The following PAPPA2 variants were observed in gnomAD, a reference collection of about 807,000 sequenced individuals.
PAPPA2 encodes pappalysin 2, also known as pappalysin-2.
A neutral mutation model predicts 176.4 loss-of-function variants in PAPPA2; 86 were observed. That is an observed-to-expected ratio of 0.49 (90% CI 0.41 to 0.58). The LOEUF (loss-of-function observed/expected upper bound fraction) is 0.58, where lower values mean the gene tolerates loss of function less well. Ranked by LOEUF, PAPPA2 falls within the 20% of genes least tolerant of loss-of-function variation. The pLI is 0.00. For synonymous variants in PAPPA2, 809 were observed against 852.2 expected (o/e 0.95, Z 0.88); for missense variants, 2,073 against 2,256.9 (o/e 0.92, Z 1.65).
intron 1 of PAPPA2, among the ~76,000 whole-genome samples, chr1:176,471,306 A>G (rs1173742863): frequency 6.6e-6 from 1 of 151,884 alleles, no homozygotes; most frequent in African/African-American, 2.4e-5. Flanking sequence ...TTCATTCCCA[A>G]CTCTCATTTG....
intron 1 of PAPPA2, among the ~76,000 whole-genome samples, chr1:176,549,008 GTAAAAATTTTTAT>G (rs1214746451): frequency 2.6e-5 from 4 of 152,270 alleles, no homozygotes; most frequent in African/African-American, 9.6e-5. Flanking sequence ...CAGTGTGTAA[GTAAAAATTTTTAT>G]TATTGCTAAT....
intron 7 of PAPPA2, 102 bp downstream of exon 7, chr1:176,695,961 T>C (rs2102813958): frequency 7.6e-7 from 1 of 1,322,578 alleles, no homozygotes; most frequent in South Asian, 1.3e-5. Context: ...AGGCAATGTA[T>C]GTGTATGTGT....
chr1:176,654,976 C>A (rs375862577), intron 3 of PAPPA2, among the ~76,000 whole-genome samples: 7 of 151,862 alleles, frequency 4.6e-5, no homozygotes, highest in East Asian at 1.9e-4. Flanking sequence ...ATGGTGAAAT[C>A]TTCAGGGTTT....
At chr1:176,473,774 G>A (rs570646285) in intron 1 of PAPPA2, among the ~76,000 whole-genome samples, 1 of 152,258 alleles carries the variant, frequency 6.6e-6, no homozygotes, top group African/African-American at 2.4e-5. Context: ...TGTAATTCCT[G>A]AATGATATAT....
chr1:176,714,157 A>C (rs557483772), intron 12 of PAPPA2, among the ~76,000 whole-genome samples: 1 of 152,248 alleles, frequency 6.6e-6, no homozygotes, highest in Admixed American at 6.5e-5. Context: ...AAACTGAAAA[A>C]AAAATCCATG....
intron 3 of PAPPA2, among the ~76,000 whole-genome samples, chr1:176,608,152 A>C (rs1376234449): frequency 7.2e-5 from 11 of 152,196 alleles, no homozygotes. Flanking sequence ...TTACAATGGG[A>C]ATCTACAGTT....
At chr1:176,496,018 G>C (rs1334647999) in intron 1 of PAPPA2, among the ~76,000 whole-genome samples, 1 of 152,096 alleles carries the variant, frequency 6.6e-6, no homozygotes, top group Non-Finnish European at 1.5e-5. Flanking sequence ...TAATGTTTCT[G>C]TAGTCACTGT....
chr1:176,800,001 TTCTCACAC>T, intron 20 of PAPPA2, 52 bp from the exon 21 acceptor site: 1 of 1,578,298 alleles, frequency 6.3e-7, no homozygotes, highest in South Asian at 1.1e-5. Context: ...GATTTGCCCC[TTCTCACAC>T]ACAACAAATG....
rs1667587779 is a variant in PAPPA2, at chr1:176,844,312, TG to T, written c.*1860del. ...ACTCTTCCCATCAACACTAGAGCAA[TG>T]GCTGTGCAAATAGGAATAGGAAATA... is the stretch of plus-strand genomic sequence containing the variant. On this transcript the variant is annotated 3_prime_UTR_variant, in exon 23 of 23. Transcript: ENST00000367662. The T allele has an allele frequency of 6.6e-6, 1 of 152,142 alleles. No individual in the cohort carries two copies. The highest frequency in any genetic ancestry group is 2.4e-5 in the African/African-American group (1 of 41,442). 9.4% of individuals were successfully genotyped at this position (152,142 alleles called of 1,614,324 possible).
intron 3 of PAPPA2, among the ~76,000 whole-genome samples, chr1:176,642,393 G>A (rs1473222806): frequency 6.6e-6 from 1 of 151,766 alleles, no homozygotes; most frequent in African/African-American, 2.4e-5. Flanking sequence ...AAGAGGCTAG[G>A]TAGAAATAAT....
At position 176,791,472 on chromosome 1, in the gene PAPPA2, A is replaced by G. The variant is rs1361373313; in HGVS notation, c.5010A>G (p.Gly1670=). 6.2e-7 allele frequency: 1 copy of G among 1,613,802 alleles called. No homozygotes were observed. Among genetic ancestry groups the G allele is most frequent in the African/African-American group, 1.3e-5 (1 of 75,004 alleles). ...LNSVEYKCEQ[G]YGIGAVCSPL... ...CTGTGGAGTACAAATGTGAACAAGGATATGGGATTGGTAAGGATAGGAGTG... is the reference window on the plus strand; with the variant it reads ...CTGTGGAGTACAAATGTGAACAAGGGTATGGGATTGGTAAGGATAGGAGTG... Residue 1670 remains glycine, a synonymous_variant, in exon 19 of 23, where the codon GGA becomes GGG. Coordinates refer to ENST00000367662, the MANE Select transcript of PAPPA2 (RefSeq NM_020318.3).
At chr1:176,628,335 TG>T (rs1272818365) in intron 3 of PAPPA2, among the ~76,000 whole-genome samples, 7 of 152,196 alleles carry the variant, frequency 4.6e-5, no homozygotes, top group Non-Finnish European at 7.3e-5. Flanking sequence ...ATGTTTAGAC[TG>T]GGACATAGTA....
chr1:176,502,104 A>G (rs1447506121), intron 1 of PAPPA2, among the ~76,000 whole-genome samples: 1 of 152,206 alleles, frequency 6.6e-6, no homozygotes, highest in Non-Finnish European at 1.5e-5. Context: ...ATGACCTACT[A>G]AGCAATGAAC....
chr1:176,719,034 G>C (rs1211924765), intron 12 of PAPPA2, among the ~76,000 whole-genome samples: 2 of 151,942 alleles, frequency 1.3e-5, no homozygotes, highest in African/African-American at 4.8e-5. Context: ...TCTTGGATTT[G>C]TATGTTTCTC....
chr1:176,610,590 G>A (rs1378461487), intron 3 of PAPPA2, among the ~76,000 whole-genome samples: 5 of 152,128 alleles, frequency 3.3e-5, no homozygotes, highest in African/African-American at 1.2e-4. Context: ...CCTAGACACA[G>A]TCCTGGTCAG....
intron 1 of PAPPA2, among the ~76,000 whole-genome samples, chr1:176,480,756 C>G (rs919145892): frequency 1.3e-5 from 2 of 152,140 alleles, no homozygotes; most frequent in Non-Finnish European, 2.9e-5. Context: ...AGGACCACCC[C>G]TTCTCCCTCT....
intron 1 of PAPPA2, among the ~76,000 whole-genome samples, chr1:176,544,646 G>T (rs959119841): frequency 6.6e-6 from 1 of 151,958 alleles, no homozygotes; most frequent in African/African-American, 2.4e-5. Context: ...TTCAATTCCC[G>T]CACTATCTAC....
intron 18 of PAPPA2, 102 bp downstream of exon 18, chr1:176,790,079 G>A (rs1665109793): frequency 7.4e-7 from 1 of 1,344,886 alleles, no homozygotes; most frequent in South Asian, 1.3e-5. Context: ...ATTCCAACAG[G>A]CAGGGACTTG....
At chr1:176,517,223 A>C (rs933179353) in intron 1 of PAPPA2, among the ~76,000 whole-genome samples, 2 of 152,096 alleles carry the variant, frequency 1.3e-5, no homozygotes, top group South Asian at 4.2e-4. Context: ...GACTGGTGGG[A>C]TTAATTGGGT....
Sources: gnomAD v4.1 joint callset for allele counts (sites outside exome capture counted in the v4.1 genomes callset) on GRCh38, gnomAD v4.1.1 for gene constraint, MANE v1.5 for transcripts, NCBI Gene and HGNC (gene_info 2026-07-23, HGNC 2026-07-21) for gene names.